The following TIMM50 variants were observed in gnomAD, a reference collection of about 807,000 sequenced individuals.
The protein encoded by TIMM50 is mitochondrial import inner membrane translocase subunit TIM50.
Under a neutral mutation model 49.6 loss-of-function variants are expected in TIMM50, and 34 were observed. That is an observed-to-expected ratio of 0.69 (90% CI 0.52 to 0.91). TIMM50 has a LOEUF of 0.91. Among genes scored for constraint, TIMM50 ranks in the 40% least tolerant of loss-of-function variants. The pLI is 0.00. For missense variants in TIMM50, 458 were observed against 477.8 expected (o/e 0.96, Z 0.39); for synonymous variants, 199 against 198.4 (o/e 1.00, Z -0.03).
rs2079557564 is a variant in TIMM50 at position 39,492,895 on chromosome 19, A to AC, written c.*3075_*3076insC. On this transcript the variant is annotated 3_prime_UTR_variant, in exon 11 of 11. Transcript: ENST00000607714. The stretch of plus-strand genomic sequence containing the variant: ...CCAAAAAAAAAAAAAAAAAAAAACA[A>AC]AAAAAAAACCAGTTTGACTTTATCT... 2.1e-5 allele frequency: 3 copies of AC among 145,298 alleles called. No homozygotes were observed. Among genetic ancestry groups the AC allele is most frequent in the Admixed American group, 6.9e-5 (1 of 14,452 alleles). 9.0% of individuals were successfully genotyped at this position (145,298 alleles called of 1,614,324 possible).
At chr19:39,482,802 T>A in intron 2 of TIMM50, 83 bp from the exon 3 acceptor site, 1 of 1,581,592 alleles carries the variant, frequency 6.3e-7, no homozygotes, top group Non-Finnish European at 8.7e-7. Context: ...GATCCAGGAG[T>A]CCAGGCCCCT....
chr19:39,493,244 G>C lies in TIMM50; in HGVS notation c.*3424G>C, dbSNP rs1013399556. On this transcript the variant is annotated 3_prime_UTR_variant, in exon 11 of 11. Coordinates refer to ENST00000607714, the MANE Select transcript of TIMM50 (RefSeq NM_001001563.5). ...AGGAAGTCTGCAGGACTGAGGGAGG[G>C]GACCTGTGCTTTTTTTTTTGTTTTT... 1 of 151,998 alleles carries C rather than the reference G, an allele frequency of 6.6e-6. No individual in the cohort carries two copies. Among genetic ancestry groups the C allele is most frequent in the Non-Finnish European group, 1.5e-5 (1 of 68,010 alleles). 9.4% of individuals were successfully genotyped at this position (151,998 alleles called of 1,614,324 possible). A position where few individuals can be genotyped will look rare whatever the true frequency, so the allele number is the denominator to read the frequency against.
intron 9 of TIMM50, 96 bp from the exon 10 acceptor site, chr19:39,488,443 C>T: frequency 1.7e-6 from 2 of 1,210,594 alleles, no homozygotes; most frequent in Non-Finnish European, 2.4e-6. Flanking sequence ...GTAGCACTGA[C>T]TGCCCCCGTG....
In TIMM50 at chr19:39,486,474, C is replaced by G; in HGVS notation, c.675C>G (p.Tyr225Ter). The G allele has an allele frequency of 1.2e-6, 2 of 1,614,146 alleles. No homozygotes were observed. Among genetic ancestry groups the G allele is most frequent in the Non-Finnish European group, 1.7e-6 (2 of 1,180,014 alleles). The stretch of plus-strand genomic sequence containing the variant: ...GCCTATTCCGGGACGCCACAAGATA[C>G]ATGGATGGACACCATGTAAAGGTGC... ...SYRLFRDATR[Y>*]MDGHHVKDIS... The change falls in exon 8 of 11, where the codon TAC (tyrosine) becomes TAG (stop). Residue 225 changes from tyrosine to a stop codon, truncating the protein, a stop_gained. Transcript: ENST00000607714. LOFTEE classifies it high-confidence loss of function.
rs2079532541 is a variant in TIMM50, at chr19:39,489,777, G to A, written c.1019G>A (p.Gly340Asp). ...TCCAACAAGCAGAACCTCTTCCTTG[G>A]CTCCCTCACCAGCCGCTTGTGGCCT... ...SKSNKQNLFL[G>D]SLTSRLWPRS... The change falls in exon 11 of 11, where the codon GGC (glycine) becomes GAC (aspartate). Residue 340 changes from glycine (G) to aspartate (D), a missense_variant. Gly to Asp is a moderately conservative substitution (Grantham distance 94). Transcript: ENST00000607714. 2.5e-6 allele frequency: 4 copies of A among 1,611,730 alleles called. No homozygotes were observed. Among genetic ancestry groups the A allele is most frequent in the Admixed American group, 1.7e-5 (1 of 59,676 alleles).
chr19:39,486,249 C>A lies in TIMM50; in HGVS notation c.555C>A (p.Ala185=). 1.2e-6 allele frequency: 2 copies of A among 1,614,146 alleles called. No individual in the cohort carries two copies. The highest frequency in any genetic ancestry group is 1.7e-6 in the Non-Finnish European group (2 of 1,180,034). The change falls in exon 7 of 11, where the codon GCC becomes GCA. Residue 185 remains alanine (A), a synonymous_variant. Transcript: ENST00000607714. The part of the protein sequence containing the change: ...PGIETLFQQL[A]PLYEIVIFTS... ...TCGAGACCTTGTTCCAGCAGCTTGCCCCTTTATATGAAATTGTCATCTTTA... is the reference window on the plus strand; with the variant it reads ...TCGAGACCTTGTTCCAGCAGCTTGCACCTTTATATGAAATTGTCATCTTTA...
Position 39,489,904 on chromosome 19 carries a change from A to C in TIMM50, c.*84A>C. On this transcript the variant is annotated 3_prime_UTR_variant, in exon 11 of 11. Coordinates refer to ENST00000607714, the MANE Select transcript of TIMM50 (RefSeq NM_001001563.5). ...GACTTGGGCCACCACTTGTCCAATA[A>C]AGTACATCCCAGACGCCACACCTGC... The C allele has an allele frequency of 7.7e-7, 1 of 1,303,546 alleles. No individual in the cohort carries two copies. Among genetic ancestry groups the C allele is most frequent in the Non-Finnish European group, 1.1e-6 (1 of 922,152 alleles). 80.7% of individuals were successfully genotyped at this position (1,303,546 alleles called of 1,614,324 possible).
At position 39,489,725 on chromosome 19, in the gene TIMM50, C is replaced by A. The variant is rs570482113; in HGVS notation, c.967C>A (p.Gln323Lys). The A allele has an allele frequency of 1.2e-6, 2 of 1,606,014 alleles. No homozygotes were observed. Among genetic ancestry groups the A allele is most frequent in the Non-Finnish European group, 1.7e-6 (2 of 1,176,804 alleles). ...QRQSRLEQEE[Q>K]QRLAELSKSN... ...AACTGTCCCCCTACCCCAGGAGGAG[C>A]AGCAGCGCCTGGCCGAGCTCTCCAA... Residue 323 changes from glutamine (Q) to lysine (K), a missense_variant, in exon 11 of 11, where the codon CAG becomes AAG. Transcript: ENST00000607714.
intron 10 of TIMM50, among the ~76,000 whole-genome samples, chr19:39,489,173 A>G (rs2079527677): frequency 6.6e-6 from 1 of 151,960 alleles, no homozygotes; most frequent in African/African-American, 2.4e-5. Flanking sequence ...AGAAGTCCCT[A>G]GAGATTTGGG....
chr19:39,491,030 T>C lies in TIMM50; in HGVS notation c.*1210T>C, dbSNP rs1192210185. Reference sequence around the variant, plus strand: ...CGAAACTCCATCTCAAAAAATAAAATAAAATAAAAATAAAATGTTGGCTTC... The same window carrying C: ...CGAAACTCCATCTCAAAAAATAAAACAAAATAAAAATAAAATGTTGGCTTC... On this transcript the variant is annotated 3_prime_UTR_variant, in exon 11 of 11. Transcript: ENST00000607714. The C allele has an allele frequency of 6.6e-6, 1 of 151,306 alleles. No homozygotes were observed. The highest frequency in any genetic ancestry group is 1.5e-5 in the Non-Finnish European group (1 of 67,888). The allele number at this position is 151,306 out of a possible 1,614,324, so 9.4% of individuals were successfully genotyped here.
At position 39,492,871 on chromosome 19, in the gene TIMM50, CAAAAAAAAAAA is replaced by C. The variant is rs59596478; in HGVS notation, c.*3062_*3072del. 60 of 45,038 alleles carry C rather than the reference CAAAAAAAAAAA, an allele frequency of 1.3e-3. 2 individuals carry two copies. Among genetic ancestry groups the C allele is most frequent in the African/African-American group, 5.4e-3 (54 of 9,966 alleles). The allele number at this position is 45,038 out of a possible 1,614,324, so 2.8% of individuals were successfully genotyped here. On this transcript the variant is annotated 3_prime_UTR_variant, in exon 11 of 11. Transcript: ENST00000607714. ...GGGCGACAGAGTAAGGCTCTGTCTC[CAAAAAAAAAAA>C]AAAAAAAAAACAAAAAAAAAACCAG...
At chr19:39,487,216 C>T (rs1337374901) in intron 8 of TIMM50, among the ~76,000 whole-genome samples, 1 of 152,322 alleles carries the variant, frequency 6.6e-6, no homozygotes, top group East Asian at 1.9e-4. Context: ...TCTCTGTGTG[C>T]TAGGCCCTGG....
intron 9 of TIMM50, 89 bp from the exon 10 acceptor site, chr19:39,488,450 C>T (rs1355268742): frequency 2.4e-5 from 31 of 1,267,108 alleles, no homozygotes; most frequent in Admixed American, 9.0e-5. Context: ...TGACTGCCCC[C>T]GTGCCCCAGT....
intron 6 of TIMM50, 110 bp downstream of exon 6, chr19:39,485,917 C>T: frequency 6.9e-7 from 1 of 1,452,412 alleles, no homozygotes; most frequent in Non-Finnish European, 9.4e-7. Flanking sequence ...GGAGATGTCA[C>T]CTGTCATTGC....
chr19:39,480,849 G>A lies in TIMM50; in HGVS notation c.-5G>A. On this transcript the variant is annotated 5_prime_UTR_variant, in exon 1 of 11. Transcript: ENST00000607714. ...GTGGGCGGGGCCGCGTGGCGTCAGC[G>A]CAAGATGGCGGCCTCGGCAGCGGTG... The A allele has an allele frequency of 6.3e-7, 1 of 1,594,826 alleles. No homozygotes were observed.
chr19:39,480,943 C>G lies in TIMM50; in HGVS notation c.90C>G (p.Pro30=). Reference sequence around the variant, plus strand: ...TGTGCACGAGGTTGGCGACGCCGCCCCGCCGGGCCCCAGATCAGGTGAGCG... The same window carrying G: ...TGTGCACGAGGTTGGCGACGCCGCCGCGCCGGGCCCCAGATCAGGTGAGCG... ...RGLCTRLATP[P]RRAPDQAAEI... The change falls in exon 1 of 11, where the codon CCC becomes CCG. Residue 30 remains proline, a synonymous_variant. Coordinates refer to ENST00000607714, the MANE Select transcript of TIMM50 (RefSeq NM_001001563.5). 1 of 1,586,174 alleles carries G rather than the reference C, an allele frequency of 6.3e-7. No homozygotes were observed. Among genetic ancestry groups the G allele is most frequent in the Non-Finnish European group, 8.5e-7 (1 of 1,174,748 alleles).
Position 39,486,428 on chromosome 19 carries a change from C to T in TIMM50, c.629C>T (p.Pro210Leu), listed in dbSNP as rs368490628. 8.1e-6 allele frequency: 13 copies of T among 1,614,022 alleles called. No homozygotes were observed. The highest frequency in any genetic ancestry group is 1.1e-5 in the Non-Finnish European group (13 of 1,180,036). ...TTTCCACTCATTGATAGTGTGGACCCCCATGGCTTCATCTCCTACCGCCTA... is the reference window on the plus strand; with the variant it reads ...TTTCCACTCATTGATAGTGTGGACCTCCATGGCTTCATCTCCTACCGCCTA... ...TAFPLIDSVD[P>L]HGFISYRLFR... Residue 210 changes from proline to leucine, a missense_variant, in exon 8 of 11, where the codon CCC becomes CTC. By Grantham distance (98) the Pro-to-Leu change is moderately conservative. Coordinates refer to ENST00000607714, the MANE Select transcript of TIMM50 (RefSeq NM_001001563.5).
intron 10 of TIMM50, among the ~76,000 whole-genome samples, chr19:39,489,484 C>T (rs1376088669): frequency 1.3e-5 from 2 of 152,080 alleles, no homozygotes; most frequent in African/African-American, 2.4e-5. Flanking sequence ...AACATTGAAG[C>T]CTAGGCTCCT....
rs1327493679 is a variant in TIMM50, at chr19:39,486,285, T to A, written c.591T>A (p.Thr197=). ...LYEIVIFTSE[T]GMTAFPLIDS... ...AAATTGTCATCTTTACGTCAGAGAC[T>A]GGCATGGTGAGGCTCTGGGGCAGGG... Residue 197 remains threonine, a synonymous_variant, in exon 7 of 11, where the codon ACT becomes ACA. Coordinates refer to ENST00000607714, the MANE Select transcript of TIMM50 (RefSeq NM_001001563.5). The A allele has an allele frequency of 6.2e-7, 1 of 1,614,162 alleles. No individual in the cohort carries two copies.
Sources: gnomAD v4.1 joint callset for allele counts (sites outside exome capture counted in the v4.1 genomes callset) on GRCh38, gnomAD v4.1.1 for gene constraint, MANE v1.5 for transcripts, NCBI Gene and HGNC (gene_info 2026-07-23, HGNC 2026-07-21) for gene names.